The following RBFOX1 variants were observed in gnomAD, a reference collection of about 807,000 sequenced individuals.
RBFOX1 encodes the protein RNA binding protein fox-1 homolog 1.
In RBFOX1, 8 loss-of-function variants were observed where a neutral mutation model predicts 57.7. The ratio of observed to expected loss-of-function variants is 0.14; its 90% CI spans 0.08 to 0.25. RBFOX1 has a LOEUF of 0.25. Ranked by LOEUF, RBFOX1 falls within the 10% of genes least tolerant of loss-of-function variation. RBFOX1 has a pLI of 1.00. For synonymous variants in RBFOX1, 326 were observed against 222.4 expected, an observed-to-expected ratio of 1.47 and a Z score of -4.15; for missense variants, 611 against 548.5, an observed-to-expected ratio of 1.11 and a Z score of -1.14.
At position 5,610,310 on chromosome 16, in the gene RBFOX1, A is replaced by G. The variant is rs572142682; in HGVS notation, c.318+11349A>G. The G allele has an allele frequency of 3.3e-5, 5 of 152,350 alleles. No homozygotes were observed. In the South Asian group the frequency reaches 1.0e-3, roughly 32 times the overall value. 9.4% of individuals were successfully genotyped at this position (152,350 alleles called of 1,614,324 possible). A position where few individuals can be genotyped will look rare whatever the true frequency, so the allele number is the denominator to read the frequency against. The stretch of plus-strand genomic sequence containing the variant: ...TGTACACTCGCTATGTACTAGGCCC[A>G]TGTTTTATTCACATAGCTTCATGTG... On this transcript the variant is annotated intron_variant, in intron 3 of 19. Coordinates refer to the RBFOX1 transcript ENST00000641259.
chr16:6,058,858 A>G, intron 1 of RBFOX1, among the ~76,000 whole-genome samples: 1 of 150,842 alleles, frequency 6.6e-6, no homozygotes, highest in Non-Finnish European at 1.5e-5. Flanking sequence ...CCATCCATCC[A>G]TCCATCCATC....
rs141371323 is a variant in RBFOX1, at chr16:7,297,937, G to A, written c.28-220210G>A. ...ATGACTGCATGTATGCCTATTTTACGCACATGCATATGCACATACTTCTGT... is the reference window on the plus strand; with the variant it reads ...ATGACTGCATGTATGCCTATTTTACACACATGCATATGCACATACTTCTGT... On this transcript the variant is annotated intron_variant, in intron 4 of 15. Transcript: ENST00000550418. Among the ~76,000 whole-genome samples the A allele has an allele frequency of 3.4e-4, 52 of 151,730 alleles. 2 individuals carry two copies. The East Asian group carries it at 9.7e-3, about 28-fold the overall frequency.
At chr16:7,518,909 G>C (rs1379749651) in intron 5 of RBFOX1, among the ~76,000 whole-genome samples, 2 of 152,226 alleles carry the variant, frequency 1.3e-5, no homozygotes, top group East Asian at 1.9e-4. Flanking sequence ...TGTAGTCCCA[G>C]CTACTTGGGA....
At chr16:7,707,231 A>G (rs1281308872) in intron 14 of RBFOX1, among the ~76,000 whole-genome samples, 1 of 152,178 alleles carries the variant, frequency 6.6e-6, no homozygotes, top group African/African-American at 2.4e-5. Flanking sequence ...CAAACCTGGT[A>G]TAATCAATTG....
chr16:6,526,216 AG>A (rs1836957524), intron 2 of RBFOX1, among the ~76,000 whole-genome samples: 1 of 152,204 alleles, frequency 6.6e-6, no homozygotes, highest in South Asian at 2.1e-4. Flanking sequence ...TTTAAAAAAG[AG>A]GGGGCTCACC....
chr16:6,184,269 A>T (rs74916226), intron 1 of RBFOX1, among the ~76,000 whole-genome samples: 3 of 152,132 alleles, frequency 2.0e-5, no homozygotes, highest in Admixed American at 6.5e-5. Flanking sequence ...AAACCATATC[A>T]GAGGATGTTG....
chr16:5,731,205 A>G (rs929432028), intron 3 of RBFOX1, among the ~76,000 whole-genome samples: 1 of 151,206 alleles, frequency 6.6e-6, no homozygotes, highest in East Asian at 1.9e-4. Context: ...CACCGTTATC[A>G]TCAAGATCAT....
chr16:6,178,747 C>G (rs2097035820), intron 1 of RBFOX1, among the ~76,000 whole-genome samples: 1 of 152,156 alleles, frequency 6.6e-6, no homozygotes, highest in Non-Finnish European at 1.5e-5. Flanking sequence ...GTTGTCATGG[C>G]TGGATTAAAA....
intron 4 of RBFOX1, among the ~76,000 whole-genome samples, chr16:7,419,501 C>G (rs565377752): frequency 6.6e-6 from 1 of 152,212 alleles, no homozygotes; most frequent in African/African-American, 2.4e-5. Flanking sequence ...AGGCCCACCA[C>G]GGCTTTTGTT....
At chr16:6,195,160 A>G (rs1305516358) in intron 1 of RBFOX1, among the ~76,000 whole-genome samples, 1 of 152,210 alleles carries the variant, frequency 6.6e-6, no homozygotes, top group Non-Finnish European at 1.5e-5. Context: ...TATTAATCAT[A>G]CGACATATTT....
intron 2 of RBFOX1, among the ~76,000 whole-genome samples, chr16:5,497,534 G>C (rs1318167252): frequency 6.6e-6 from 1 of 151,640 alleles, no homozygotes; most frequent in Non-Finnish European, 1.5e-5. Context: ...CAGCACTTTG[G>C]GAGGGTGAGA....
chr16:6,148,783 C>T (rs1371872571), intron 1 of RBFOX1, among the ~76,000 whole-genome samples: 2 of 152,172 alleles, frequency 1.3e-5, no homozygotes, highest in Admixed American at 6.5e-5. Flanking sequence ...CAATTAAAAC[C>T]ACAAGGGTGG....
chr16:7,391,343 A>T (rs12595866), intron 4 of RBFOX1, among the ~76,000 whole-genome samples: 21 of 152,046 alleles, frequency 1.4e-4, no homozygotes, highest in Admixed American at 2.0e-4. Flanking sequence ...TAGAGGAAAG[A>T]AGTTTCGCGT....
At chr16:7,367,249 G>C (rs1222893760) in intron 4 of RBFOX1, among the ~76,000 whole-genome samples, 1 of 152,150 alleles carries the variant, frequency 6.6e-6, no homozygotes, top group Non-Finnish European at 1.5e-5. Flanking sequence ...TCAGCACAAA[G>C]TGTGCATTTG....
In RBFOX1 at chr16:7,607,280, T is replaced by G; in HGVS notation, c.623-5T>G. 1 of 1,608,136 alleles carries G rather than the reference T, an allele frequency of 6.2e-7. No individual in the cohort carries two copies. The highest frequency in any genetic ancestry group is 8.5e-7 in the Non-Finnish European group (1 of 1,178,232). Reference sequence around the variant, plus strand: ...ATAATAATGTTTTTGTGTATTTGTTTTAAGGCTGGAAATTGAATCCAGTTG... The same window carrying G: ...ATAATAATGTTTTTGTGTATTTGTTGTAAGGCTGGAAATTGAATCCAGTTG... On this transcript the variant is annotated splice_region_variant and splice_polypyrimidine_tract_variant and intron_variant, in intron 9 of 15. Transcript: ENST00000550418.
At position 5,495,559 on chromosome 16, in the gene RBFOX1, C is replaced by G. The variant is rs116681725; in HGVS notation, c.258+28305C>G. Among the ~76,000 whole-genome samples, 1,079 of 152,322 alleles carry G rather than the reference C, an allele frequency of 7.1e-3. 19 individuals are homozygous for G. The highest frequency in any genetic ancestry group is 0.025 in the African/African-American group (1,037 of 41,580). On this transcript the variant is annotated intron_variant, in intron 2 of 2. Transcript: ENST00000585867. ...AGCAAACAGGAAACTGTCACAATAG[C>G]TGCATAAGCTAGCAGCTGAGAAGAC...
chr16:7,108,590 G>A (rs954933122), intron 4 of RBFOX1, among the ~76,000 whole-genome samples: 1 of 152,116 alleles, frequency 6.6e-6, no homozygotes, highest in Non-Finnish European at 1.5e-5. Context: ...GTATGGTTCA[G>A]TGGGATTTGT....
intron 3 of RBFOX1, among the ~76,000 whole-genome samples, chr16:6,880,508 G>C (rs1468893600): frequency 1.3e-5 from 2 of 152,210 alleles, no homozygotes; most frequent in Non-Finnish European, 2.9e-5. Context: ...GCCAGGTAGA[G>C]AGATTTCCTG....
chr16:6,263,861 A>C (rs183411963), intron 1 of RBFOX1, among the ~76,000 whole-genome samples: 142 of 152,290 alleles, frequency 9.3e-4, no homozygotes, highest in African/African-American at 3.1e-3. Context: ...AGAAAGTTGG[A>C]ACCAAAAGTG....
Sources: allele counts gnomAD v4.1 joint callset (sites outside exome capture counted in the v4.1 genomes callset), GRCh38; gene constraint gnomAD v4.1.1; transcripts MANE v1.5; gene names NCBI Gene and HGNC (gene_info 2026-07-23, HGNC 2026-07-21).